Variants in SPICE1 observed in about 807,000 individuals in gnomAD.
SPICE1 encodes spindle and centriole associated protein 1.
Under a neutral mutation model 102.7 loss-of-function variants are expected in SPICE1, and 75 were observed. The observed-to-expected ratio is 0.73, with a 90% CI of 0.61 to 0.88. The LOEUF (loss-of-function observed/expected upper bound fraction) is 0.88, where lower values mean the gene tolerates loss of function less well. SPICE1 is among the 40% of genes least tolerant of loss of function. The pLI is 0.00. For missense variants in SPICE1, 979 were observed against 1,020.1 expected, an observed-to-expected ratio of 0.96 and a Z score of 0.55; for synonymous variants, 308 against 350.3, an observed-to-expected ratio of 0.88 and a Z score of 1.35.
chr3:113,493,606 C>T (rs911380691), intron 5 of SPICE1, among the ~76,000 whole-genome samples: 1 of 152,172 alleles, frequency 6.6e-6, no homozygotes, highest in Non-Finnish European at 1.5e-5. Flanking sequence ...AGCCGGAATT[C>T]AAACCTTACA....
At chr3:113,497,342 A>G (rs763221298) in intron 4 of SPICE1, among the ~76,000 whole-genome samples, 1 of 152,166 alleles carries the variant, frequency 6.6e-6, no homozygotes, top group Non-Finnish European at 1.5e-5. Context: ...ATAGGAGGGT[A>G]TTTTTTTATT....
At chr3:113,476,231 T>G (rs7631189) in intron 7 of SPICE1, among the ~76,000 whole-genome samples, 4 of 148,484 alleles carry the variant, frequency 2.7e-5, no homozygotes, top group African/African-American at 1.0e-4. Context: ...TTACAAGGGA[T>G]GTGAAGGACC....
At chr3:113,485,372 C>T (rs1244584058) in intron 7 of SPICE1, among the ~76,000 whole-genome samples, 31 of 152,106 alleles carry the variant, frequency 2.0e-4, no homozygotes, top group Admixed American at 2.0e-3. Flanking sequence ...TGAGATCAAC[C>T]TGGGACGCTC....
chr3:113,483,980 G>C (rs939002151), intron 7 of SPICE1, among the ~76,000 whole-genome samples: 1 of 152,142 alleles, frequency 6.6e-6, no homozygotes, highest in African/African-American at 2.4e-5. Context: ...ACCTCTGGTA[G>C]AACTCGGCTG....
At chr3:113,447,236 T>C (rs1052166427) in intron 16 of SPICE1, among the ~76,000 whole-genome samples, 2 of 152,214 alleles carry the variant, frequency 1.3e-5, no homozygotes, top group African/African-American at 2.4e-5. Flanking sequence ...ATTTAATTTT[T>C]AGAGCTGTTT....
intron 7 of SPICE1, among the ~76,000 whole-genome samples, chr3:113,469,480 A>G (rs1936146022): frequency 6.8e-6 from 1 of 146,684 alleles, no homozygotes; most frequent in African/African-American, 2.5e-5. Context: ...CATAATTATA[A>G]AATATATTCT....
At chr3:113,512,504 G>C (rs111539866) in intron 1 of SPICE1, among the ~76,000 whole-genome samples, 6,179 of 150,698 alleles carry the variant, frequency 0.041, 420 homozygotes, top group African/African-American at 0.14. Flanking sequence ...CACCTCCCGG[G>C]TTCAAGCGAT....
chr3:113,494,646 CAAAAAAAA>C (rs35761157), intron 4 of SPICE1, among the ~76,000 whole-genome samples: 1 of 108,508 alleles, frequency 9.2e-6, no homozygotes, highest in African/African-American at 3.5e-5. Flanking sequence ...GACTCCGTCT[CAAAAAAAA>C]AAAAAAGAAA....
chr3:113,477,616 A>G (rs1046112868), intron 7 of SPICE1, among the ~76,000 whole-genome samples: 6 of 152,194 alleles, frequency 3.9e-5, no homozygotes, highest in East Asian at 3.8e-4. Flanking sequence ...TTAAAAAATG[A>G]TAAGTTCATG....
intron 12 of SPICE1, chr3:113,460,127 T>C: frequency 1.0e-6 from 1 of 985,404 alleles, no homozygotes; most frequent in Non-Finnish European, 1.2e-6. Flanking sequence ...GCACATGAGA[T>C]GAAGGAAGAA....
At chr3:113,498,197 G>A (rs1413954632) in intron 4 of SPICE1, among the ~76,000 whole-genome samples, 1 of 152,056 alleles carries the variant, frequency 6.6e-6, no homozygotes, top group Non-Finnish European at 1.5e-5. Context: ...TTTTAATGGA[G>A]CTTCTTGACC....
chr3:113,509,588 T>C (rs530180269), intron 1 of SPICE1, among the ~76,000 whole-genome samples: 1 of 152,178 alleles, frequency 6.6e-6, no homozygotes. Context: ...AGAGACAATA[T>C]AGTATAAAGG....
intron 13 of SPICE1, 80 bp downstream of exon 13, chr3:113,457,056 T>G: frequency 7.2e-7 from 1 of 1,381,812 alleles, no homozygotes; most frequent in Non-Finnish European, 9.9e-7. Flanking sequence ...ATTCTGTTTT[T>G]CATGTAATGG....
At chr3:113,509,392 T>C (rs2107510208) in intron 1 of SPICE1, among the ~76,000 whole-genome samples, 1 of 152,258 alleles carries the variant, frequency 6.6e-6, no homozygotes, top group East Asian at 1.9e-4. Context: ...ATGAATTATG[T>C]ATCCATTAAA....
rs575410472 is a variant in SPICE1 at position 113,511,540 on chromosome 3, A to G, written c.-1+3357T>C. Among the ~76,000 whole-genome samples the G allele has an allele frequency of 2.2e-4, 33 of 152,340 alleles. No homozygotes were observed. The East Asian group carries it at 6.4e-3, about 29-fold the overall frequency. On this transcript the variant is annotated intron_variant, in intron 1 of 17. Transcript: ENST00000295872. ...AATCAAACACCACATGTACTCACTT[A>G]TAAGTGGGTGCTGAACAATGAGAAC... is the stretch of plus-strand genomic sequence containing the variant.
chr3:113,479,096 G>A (rs1936430043), intron 7 of SPICE1, among the ~76,000 whole-genome samples: 1 of 150,480 alleles, frequency 6.6e-6, no homozygotes, highest in African/African-American at 2.4e-5. Flanking sequence ...TTTAGCATTA[G>A]GTGTATCTCC....
chr3:113,461,330 T>C lies in SPICE1; in HGVS notation c.1288-566A>G, dbSNP rs1200511277. Among the ~76,000 whole-genome samples, 3 of 151,652 alleles carry C rather than the reference T, an allele frequency of 2.0e-5. No individual in the cohort carries two copies. In the East Asian group the frequency reaches 5.8e-4, roughly 29 times the overall value. ...CTTTGTCTATATGTGTGTGTGTATA[T>C]ATATATATTTTTAATATTACATAAG... On this transcript the variant is annotated intron_variant, in intron 11 of 17. Transcript: ENST00000295872.
chr3:113,493,702 A>T (rs1417338939), intron 5 of SPICE1, among the ~76,000 whole-genome samples: 1 of 152,256 alleles, frequency 6.6e-6, no homozygotes, highest in Non-Finnish European at 1.5e-5. Context: ...ATCTGACAAG[A>T]GGCAAAGTTC....
chr3:113,452,812 T>C (rs1468943995), intron 14 of SPICE1, among the ~76,000 whole-genome samples: 2 of 152,040 alleles, frequency 1.3e-5, no homozygotes, highest in Non-Finnish European at 2.9e-5. Flanking sequence ...ACCCCGTCTC[T>C]ACTAAAAATA....
Sources: gnomAD v4.1 joint callset for allele counts (sites outside exome capture counted in the v4.1 genomes callset) on GRCh38, gnomAD v4.1.1 for gene constraint, MANE v1.5 for transcripts, NCBI Gene and HGNC (gene_info 2026-07-23, HGNC 2026-07-21) for gene names.